The following ELP4 variants were observed in gnomAD, a reference collection of about 807,000 sequenced individuals.
ELP4 encodes elongator complex protein 4.
A neutral mutation model predicts 48.9 loss-of-function variants in ELP4; 51 were observed. The ratio of observed to expected loss-of-function variants is 1.04; its 90% CI spans 0.83 to 1.32. ELP4 has a LOEUF of 1.32. ELP4 is among the 40% of genes most tolerant of loss of function. ELP4 has a pLI of 0.00. For synonymous variants in ELP4, 210 were observed against 189.2 expected (o/e 1.11, Z -0.90); for missense variants, 519 against 514.6 (o/e 1.01, Z -0.08).
intron 3 of ELP4, among the ~76,000 whole-genome samples, chr11:31,552,305 T>C (rs1201302620): frequency 4.6e-5 from 7 of 152,198 alleles, no homozygotes; most frequent in African/African-American, 1.7e-4. Flanking sequence ...GCCCCAAGGA[T>C]GTCAGTAGTA....
chr11:31,510,159 C>T (rs779491960), intron 1 of ELP4, 152 bp downstream of exon 1: 6 of 717,682 alleles, frequency 8.4e-6, no homozygotes, highest in Non-Finnish European at 1.4e-5. Context: ...GAGGGGAATA[C>T]GGGTTGTGTG....
At chr11:31,586,743 C>G (rs1181883470) in intron 3 of ELP4, among the ~76,000 whole-genome samples, 1 of 151,824 alleles carries the variant, frequency 6.6e-6, no homozygotes, top group African/African-American at 2.4e-5. Context: ...CTGGGTTCAA[C>G]GCCGTTCTCC....
At chr11:31,581,122 TA>T in intron 3 of ELP4, among the ~76,000 whole-genome samples, 1 of 152,300 alleles carries the variant, frequency 6.6e-6, no homozygotes, top group African/African-American at 2.4e-5. Flanking sequence ...AAACTCCTCT[TA>T]AATGTATGTA....
At chr11:31,671,652 C>G (rs1945809986) in intron 9 of ELP4, among the ~76,000 whole-genome samples, 1 of 152,146 alleles carries the variant, frequency 6.6e-6, no homozygotes, top group Non-Finnish European at 1.5e-5. Flanking sequence ...CATCTAATAG[C>G]CCTCACAGAT....
intron 9 of ELP4, among the ~76,000 whole-genome samples, chr11:31,769,790 A>T (rs544825964): frequency 1.1e-4 from 16 of 150,054 alleles, no homozygotes; most frequent in East Asian, 7.7e-4. Flanking sequence ...ATATACTTTT[A>T]AAAAAAAACG....
At chr11:31,635,540 T>A (rs963469688) in intron 7 of ELP4, among the ~76,000 whole-genome samples, 11 of 151,958 alleles carry the variant, frequency 7.2e-5, no homozygotes, top group African/African-American at 2.4e-4. Flanking sequence ...CTGCACAAAG[T>A]ACCATTCGAT....
intron 9 of ELP4, chr11:31,719,660 C>T (rs1484265446): frequency 3.9e-5 from 15 of 388,642 alleles, no homozygotes; most frequent in African/African-American, 8.3e-5. Flanking sequence ...AAATATAGGG[C>T]GAATTATACA....
intron 9 of ELP4, among the ~76,000 whole-genome samples, chr11:31,757,927 C>T (rs1220376967): frequency 6.6e-6 from 1 of 152,230 alleles, no homozygotes; most frequent in Non-Finnish European, 1.5e-5. Flanking sequence ...ATATACTTAA[C>T]ATTGGAATAG....
chr11:31,697,856 A>G (rs1246742294), intron 9 of ELP4, among the ~76,000 whole-genome samples: 1 of 152,206 alleles, frequency 6.6e-6, no homozygotes, highest in Non-Finnish European at 1.5e-5. Context: ...GAGATGAAGA[A>G]GAGAATTGTC....
intron 7 of ELP4, among the ~76,000 whole-genome samples, chr11:31,634,933 T>G (rs1944940853): frequency 6.6e-6 from 1 of 151,962 alleles, no homozygotes; most frequent in African/African-American, 2.4e-5. Context: ...TTTTTCCAAT[T>G]TTCAATCTCT....
intron 4 of ELP4, among the ~76,000 whole-genome samples, chr11:31,595,365 A>G (rs1957653425): frequency 6.6e-6 from 1 of 152,198 alleles, no homozygotes; most frequent in Non-Finnish European, 1.5e-5. Context: ...ACAAATGCCA[A>G]TAAATCTGTC....
chr11:31,544,861 G>T (rs1430306091), intron 3 of ELP4, among the ~76,000 whole-genome samples: 1 of 152,156 alleles, frequency 6.6e-6, no homozygotes, highest in Non-Finnish European at 1.5e-5. Flanking sequence ...CCACTGTTCT[G>T]CAGCCACTGC....
chr11:31,770,999 T>C (rs571188116), intron 9 of ELP4, among the ~76,000 whole-genome samples: 1 of 152,146 alleles, frequency 6.6e-6, no homozygotes, highest in Non-Finnish European at 1.5e-5. Flanking sequence ...ACATTGGGAT[T>C]GAAAGATGGT....
intron 4 of ELP4, among the ~76,000 whole-genome samples, chr11:31,602,049 G>A (rs1024929240): frequency 6.6e-6 from 1 of 151,958 alleles, no homozygotes; most frequent in Non-Finnish European, 1.5e-5. Flanking sequence ...GAAACTTCTG[G>A]TTTTTTCTTT....
chr11:31,598,881 C>G (rs1023687680), intron 4 of ELP4: 2 of 151,896 alleles, frequency 1.3e-5, no homozygotes, highest in African/African-American at 4.8e-5. Flanking sequence ...ATGAACTTGT[C>G]CAGATTATTT....
At chr11:31,736,623 T>C (rs1260529216) in intron 9 of ELP4, among the ~76,000 whole-genome samples, 1 of 152,016 alleles carries the variant, frequency 6.6e-6, no homozygotes, top group Non-Finnish European at 1.5e-5. Flanking sequence ...CTCAAACAAA[T>C]TTACAAGAAA....
At chr11:31,581,023 A>G (rs1957382393) in intron 3 of ELP4, among the ~76,000 whole-genome samples, 1 of 152,138 alleles carries the variant, frequency 6.6e-6, no homozygotes, top group South Asian at 2.1e-4. Flanking sequence ...TTTCTGATAC[A>G]TCTATTGTTT....
chr11:31,670,683 G>C (rs991729417), intron 9 of ELP4, among the ~76,000 whole-genome samples: 1 of 152,062 alleles, frequency 6.6e-6, no homozygotes, highest in Non-Finnish European at 1.5e-5. Flanking sequence ...CAAGCAAAGG[G>C]AGGCTTTTGC....
intron 3 of ELP4, among the ~76,000 whole-genome samples, chr11:31,545,155 G>C (rs1956676716): frequency 6.6e-6 from 1 of 152,210 alleles, no homozygotes; most frequent in African/African-American, 2.4e-5. Flanking sequence ...TTGACGAGTT[G>C]AGAGAAGAAG....
Sources: allele counts gnomAD v4.1 joint callset (sites outside exome capture counted in the v4.1 genomes callset), GRCh38; gene constraint gnomAD v4.1.1; transcripts MANE v1.5; gene names NCBI Gene and HGNC (gene_info 2026-07-23, HGNC 2026-07-21).